The following CD34 variants were observed in gnomAD, a reference collection of about 807,000 sequenced individuals.
The protein encoded by CD34 is CD34 molecule.
CD34 carries 34 observed loss-of-function variants against 40.1 expected under a neutral mutation model. That is an observed-to-expected ratio of 0.85 (90% CI 0.65 to 1.13). The LOEUF (loss-of-function observed/expected upper bound fraction) is 1.13. Among genes scored for constraint, CD34 ranks in the 50% most tolerant of loss-of-function variants. The pLI is 0.00. For missense variants in CD34, 426 were observed against 466.9 expected (o/e 0.91, Z 0.81); for synonymous variants, 209 against 190.0 (o/e 1.10, Z -0.82).
intron 4 of CD34, chr1:207,889,902 A>C: frequency 6.6e-7 from 1 of 1,518,242 alleles, no homozygotes; most frequent in Non-Finnish European, 8.7e-7. Flanking sequence ...AGCATTGCCC[A>C]TGTACACATA....
rs1465933303 is a variant in CD34, at chr1:207,903,383, A to G, written c.80-3380T>C. On this transcript the variant is annotated intron_variant, in intron 1 of 7. Transcript: ENST00000310833. The stretch of plus-strand genomic sequence containing the variant: ...CACATCCTAAGAGACAATTGATGAA[A>G]CCTCCACTCTTTTTCATTCTAGATG... Among the ~76,000 whole-genome samples the G allele has an allele frequency of 2.0e-5, 3 of 152,096 alleles. No individual in the cohort carries two copies. In the East Asian group the frequency reaches 5.8e-4, roughly 29 times the overall value.
intron 3 of CD34, 36 bp downstream of exon 3, chr1:207,898,937 A>T (rs1662207496): frequency 6.2e-7 from 1 of 1,610,166 alleles, no homozygotes; most frequent in East Asian, 2.2e-5. Flanking sequence ...ATATGAAGTG[A>T]GGGGCAATCT....
At chr1:207,905,527 T>C (rs1367470622) in intron 1 of CD34, among the ~76,000 whole-genome samples, 1 of 152,222 alleles carries the variant, frequency 6.6e-6, no homozygotes, top group African/African-American at 2.4e-5. Flanking sequence ...CAATATTTAC[T>C]CTCTGGCCCT....
At position 207,897,558 on chromosome 1, in the gene CD34, A is replaced by T. The variant is rs768811135; in HGVS notation, c.532T>A (p.Ser178Thr). The change falls in exon 4 of 8, where the codon TCA becomes ACA. Residue 178 changes from serine to threonine, a missense_variant. Physicochemically the swap from Ser to Thr is moderately conservative, Grantham distance 58. Coordinates refer to ENST00000310833, the MANE Select transcript of CD34 (RefSeq NM_001025109.2). ...GTCAATTTCACTTCTCTGATGCCTG[A>T]ACATTTGATTTCTGCCTGTATTAAA... ...LSDIKAEIKC[S>T]GIREVKLTQG... The T allele has an allele frequency of 1.0e-5, 16 of 1,555,562 alleles. No homozygotes were observed. The South Asian group carries it at 1.5e-4, about 15-fold the overall frequency.
At chr1:207,910,804 C>T (rs1240853678) in intron 1 of CD34, among the ~76,000 whole-genome samples, 198 bp downstream of exon 1, 1 of 152,162 alleles carries the variant, frequency 6.6e-6, no homozygotes, top group African/African-American at 2.4e-5. Context: ...GGGGTGATGG[C>T]CTTCCCTTCC....
At chr1:207,889,749 C>T in intron 4 of CD34, 128 bp from the exon 5 acceptor site, 15 of 1,540,630 alleles carry the variant, frequency 9.7e-6, no homozygotes, top group Non-Finnish European at 1.3e-5. Context: ...TTCTAAAATT[C>T]CAACAGAAAA....
In CD34 at chr1:207,883,692, A is replaced by C. The variant is rs554553943; in HGVS notation, c.*4046T>G. 13 of 152,308 alleles carry C rather than the reference A, an allele frequency of 8.5e-5. No homozygotes were observed. In the South Asian group the frequency reaches 2.7e-3, roughly 32 times the overall value. 9.4% of individuals were successfully genotyped at this position (152,308 alleles called of 1,614,324 possible). Reference sequence around the variant, plus strand: ...TATTTAAATATTGGCACCATATCTCAATTTTCATACAGTAAGCACTCAAAA... The same window carrying C: ...TATTTAAATATTGGCACCATATCTCCATTTTCATACAGTAAGCACTCAAAA... On this transcript the variant is annotated 3_prime_UTR_variant, in exon 8 of 8. Transcript: ENST00000310833.
In CD34 at chr1:207,889,584, C is replaced by G; in HGVS notation, c.635G>C (p.Arg212Pro). The change falls in exon 5 of 8, where the codon CGA (arginine) becomes CCA (proline). Residue 212 changes from arginine to proline, a missense_variant. Arg to Pro is a moderately radical substitution (Grantham distance 103, BLOSUM62 -2). Transcript: ENST00000310833. ...AGCCTGCTCCTCCCCACACAGCACT[C>G]GGGCCAGGCCCTCTCCCCTGTCCTT... is the stretch of plus-strand genomic sequence containing the variant. ...FKKDRGEGLA[R>P]VLCGEEQADA... The G allele has an allele frequency of 6.2e-7, 1 of 1,614,076 alleles. No individual in the cohort carries two copies. Among genetic ancestry groups the G allele is most frequent in the Non-Finnish European group, 8.5e-7 (1 of 1,179,974 alleles).
At position 207,885,924 on chromosome 1, in the gene CD34, C is replaced by A. The variant is rs1026038648; in HGVS notation, c.*1814G>T. 1 of 151,832 alleles carries A rather than the reference C, an allele frequency of 6.6e-6. No homozygotes were observed. The highest frequency in any genetic ancestry group is 1.5e-5 in the Non-Finnish European group (1 of 67,986). 9.4% of individuals were successfully genotyped at this position (151,832 alleles called of 1,614,324 possible). A position where few individuals can be genotyped will look rare whatever the true frequency, so the allele number is the denominator to read the frequency against. On this transcript the variant is annotated 3_prime_UTR_variant, in exon 8 of 8. Transcript: ENST00000310833. ...TCCTGGAGCTCCTCAGCACTCCCTC[C>A]CCAACTTCCTATGGCCTGGTAGGGG...
rs755174341 is a variant in CD34, at chr1:207,884,929, C to T, written c.*2809G>A. The T allele has an allele frequency of 3.3e-5, 5 of 152,106 alleles. No individual in the cohort carries two copies. Among genetic ancestry groups the T allele is most frequent in the Non-Finnish European group, 7.3e-5 (5 of 68,046 alleles). The allele number at this position is 152,106 out of a possible 1,614,324, so 9.4% of individuals were successfully genotyped here. Reference sequence around the variant, plus strand: ...CACTGCCACACTGGCTTCATGACATCCAACTGGAGTAACACGGAGGACTCG... The same window carrying T: ...CACTGCCACACTGGCTTCATGACATTCAACTGGAGTAACACGGAGGACTCG... On this transcript the variant is annotated 3_prime_UTR_variant, in exon 8 of 8. Transcript: ENST00000310833.
chr1:207,897,249 T>C (rs1280700073), intron 4 of CD34, among the ~76,000 whole-genome samples: 1 of 152,122 alleles, frequency 6.6e-6, no homozygotes, highest in East Asian at 1.9e-4. Context: ...GAAAAAGTAC[T>C]ATAGAGGATG....
Position 207,886,047 on chromosome 1 carries a change from C to T in CD34, c.*1691G>A, listed in dbSNP as rs1225384688. 1 of 151,832 alleles carries T rather than the reference C, an allele frequency of 6.6e-6. No homozygotes were observed. Among genetic ancestry groups the T allele is most frequent in the African/African-American group, 2.4e-5 (1 of 41,262 alleles). 9.4% of individuals were successfully genotyped at this position (151,832 alleles called of 1,614,324 possible). Reference sequence around the variant, plus strand: ...CTTAATCTTGAGGGTGGAAACCAGCCCCCTCCCTGAGTTGGCTGCCAGGTC... The same window carrying T: ...CTTAATCTTGAGGGTGGAAACCAGCTCCCTCCCTGAGTTGGCTGCCAGGTC... On this transcript the variant is annotated 3_prime_UTR_variant, in exon 8 of 8. Coordinates refer to ENST00000310833, the MANE Select transcript of CD34 (RefSeq NM_001025109.2).
chr1:207,910,060 G>A (rs910118883), intron 1 of CD34, among the ~76,000 whole-genome samples: 1 of 152,222 alleles, frequency 6.6e-6, no homozygotes, highest in Admixed American at 6.5e-5. Flanking sequence ...CAAGTGCAAA[G>A]AGATGAGGTG....
chr1:207,894,161 A>C (rs1213282053), intron 4 of CD34, among the ~76,000 whole-genome samples: 1 of 152,252 alleles, frequency 6.6e-6, no homozygotes, highest in Non-Finnish European at 1.5e-5. Context: ...AGTGTCCATC[A>C]ACAGATGAAT....
chr1:207,888,667 G>A lies in CD34; in HGVS notation c.972+15C>T, dbSNP rs373406161. On this transcript the variant is annotated intron_variant, in intron 7 of 7. Coordinates refer to ENST00000310833, the MANE Select transcript of CD34 (RefSeq NM_001025109.2). Reference sequence around the variant, plus strand: ...TATCTTCCTCATTTCCTTTACCCTGGCCCCCAGAACTGACCAGCCTTTCTC... The same window carrying A: ...TATCTTCCTCATTTCCTTTACCCTGACCCCCAGAACTGACCAGCCTTTCTC... 2 of 1,612,982 alleles carry A rather than the reference G, an allele frequency of 1.2e-6. No individual in the cohort carries two copies. The highest frequency in any genetic ancestry group is 1.7e-6 in the Non-Finnish European group (2 of 1,179,544).
chr1:207,897,704 A>G (rs1662177563), intron 3 of CD34, 131 bp from the exon 4 acceptor site: 2 of 698,066 alleles, frequency 2.9e-6, no homozygotes, highest in Non-Finnish European at 2.5e-6. Context: ...GGAAAAGGAC[A>G]TTTAAAATTT....
At chr1:207,903,365 TA>T (rs1056772649) in intron 1 of CD34, among the ~76,000 whole-genome samples, 1 of 152,188 alleles carries the variant, frequency 6.6e-6, no homozygotes, top group African/African-American at 2.4e-5. Context: ...TGTCACATCC[TA>T]AGAGACAATT....
intron 1 of CD34, among the ~76,000 whole-genome samples, chr1:207,906,952 C>T (rs1662394926): frequency 6.6e-6 from 1 of 152,164 alleles, no homozygotes; most frequent in Non-Finnish European, 1.5e-5. Flanking sequence ...CTACATTTCT[C>T]CCTGTCACCT....
At chr1:207,890,117 C>T in intron 4 of CD34, 1 of 1,163,254 alleles carries the variant, frequency 8.6e-7, no homozygotes, top group Non-Finnish European at 1.1e-6. Flanking sequence ...CCAAAGGAGT[C>T]TCAAAAAGTG....
Sources: allele counts gnomAD v4.1 joint callset (sites outside exome capture counted in the v4.1 genomes callset), GRCh38; gene constraint gnomAD v4.1.1; transcripts MANE v1.5; gene names NCBI Gene and HGNC (gene_info 2026-07-23, HGNC 2026-07-21).